PCDHGA5: variants seen among roughly 807,000 people sequenced by gnomAD.
PCDHGA5 encodes the protein protocadherin gamma-A5.
A neutral mutation model predicts 56.7 loss-of-function variants in PCDHGA5; 36 were observed. The observed-to-expected ratio is 0.64, with a 90% CI of 0.49 to 0.84. The LOEUF (loss-of-function observed/expected upper bound fraction) is 0.84, where lower values mean the gene tolerates loss of function less well. PCDHGA5 is among the 40% of genes least tolerant of loss of function. The pLI, the probability that PCDHGA5 is intolerant of heterozygous loss-of-function variation, is 0.00. For missense variants in PCDHGA5, 1,305 were observed against 1,201.5 expected (o/e 1.09, Z -1.27); for synonymous variants, 563 against 520.2 (o/e 1.08, Z -1.12).
chr5:141,469,404 G>A (rs1439441297), intron 1 of PCDHGA5, among the ~76,000 whole-genome samples: 7 of 151,874 alleles, frequency 4.6e-5, no homozygotes, highest in African/African-American at 1.5e-4. Flanking sequence ...GTGAAACCCC[G>A]TTTCTACTAA....
chr5:141,395,057 T>A (rs2093157144), intron 1 of PCDHGA5: 1 of 1,614,042 alleles, frequency 6.2e-7, no homozygotes, highest in Non-Finnish European at 8.5e-7. Context: ...AGGTACAGGC[T>A]TTCCTGCAGA....
At position 141,491,891 on chromosome 5, in the gene PCDHGA5, G is replaced by T. The variant is rs1487484740; in HGVS notation, c.2422-2916G>T. On this transcript the variant is annotated intron_variant, in intron 1 of 3. Coordinates refer to ENST00000518069, the MANE Select transcript of PCDHGA5 (RefSeq NM_018918.3). This position sits in a 1 kb window ranked among gnomAD's most constrained non-coding sequence, Gnocchi z 6.9. ...GTGGCCGATTAAGGGATGGGGCTCC[G>T]AGCACCGGGGGTGGTGGCGACTGTG... 19 of 1,439,438 alleles carry T rather than the reference G, an allele frequency of 1.3e-5. No homozygotes were observed. The East Asian group carries it at 4.8e-4, about 36-fold the overall frequency. 89.2% of individuals were successfully genotyped at this position (1,439,438 alleles called of 1,614,324 possible). A position where few individuals can be genotyped will look rare whatever the true frequency, so the allele number is the denominator to read the frequency against.
intron 1 of PCDHGA5, chr5:141,390,321 C>G: frequency 6.2e-7 from 1 of 1,607,082 alleles, no homozygotes; most frequent in Non-Finnish European, 8.5e-7. Flanking sequence ...TCATTGCCTA[C>G]CCATTTCTCC....
intron 1 of PCDHGA5, chr5:141,376,605 G>A (rs1772889995): frequency 1.2e-5 from 18 of 1,502,688 alleles, no homozygotes; most frequent in Middle Eastern, 3.5e-4. Flanking sequence ...TTATAGAAGC[G>A]AACCTCTTTT....
At chr5:141,369,497 C>A (rs1027825158) in intron 1 of PCDHGA5, among the ~76,000 whole-genome samples, 3 of 151,926 alleles carry the variant, frequency 2.0e-5, no homozygotes, top group Non-Finnish European at 4.4e-5. Context: ...TGAAACCCCA[C>A]CTCTATAGAA....
At chr5:141,375,897 C>T in intron 1 of PCDHGA5, 1 of 1,613,798 alleles carries the variant, frequency 6.2e-7, no homozygotes, top group South Asian at 1.1e-5. Flanking sequence ...GCCTGGCTGT[C>T]CTACCGCCTG....
At position 141,512,161 on chromosome 5, in the gene PCDHGA5, G is replaced by A. The variant is rs1176664723; in HGVS notation, c.*988G>A. On this transcript the variant is annotated 3_prime_UTR_variant, in exon 4 of 4. Transcript: ENST00000518069. ...AGCCAGCTTTGGGCTGAGCTAACAGGACCAATGGATTAAACTGGCATTTCA... is the reference window on the plus strand; with the variant it reads ...AGCCAGCTTTGGGCTGAGCTAACAGAACCAATGGATTAAACTGGCATTTCA... The A allele has an allele frequency of 6.5e-6, 1 of 152,704 alleles. No homozygotes were observed. Among genetic ancestry groups the A allele is most frequent in the African/African-American group, 2.4e-5 (1 of 41,440 alleles). 9.5% of individuals were successfully genotyped at this position (152,704 alleles called of 1,614,324 possible). A position where few individuals can be genotyped will look rare whatever the true frequency, so the allele number is the denominator to read the frequency against.
intron 1 of PCDHGA5, among the ~76,000 whole-genome samples, chr5:141,470,417 T>A (rs1482173610): frequency 6.6e-6 from 1 of 152,226 alleles, no homozygotes; most frequent in East Asian, 1.9e-4. Context: ...ATTTTATGTA[T>A]TTTTTCCTTG....
At chr5:141,458,064 C>G (rs886724551) in intron 1 of PCDHGA5, among the ~76,000 whole-genome samples, 1 of 152,104 alleles carries the variant, frequency 6.6e-6, no homozygotes, top group Admixed American at 6.6e-5. Flanking sequence ...TGCACTGATG[C>G]GAACAACTAT....
intron 1 of PCDHGA5, chr5:141,400,189 CT>C (rs770137840): frequency 5.6e-6 from 9 of 1,614,056 alleles, no homozygotes; most frequent in Non-Finnish European, 7.6e-6. Context: ...GCAGTTTTAC[CT>C]AGTGGTGGCC....
chr5:141,414,515 C>T, intron 1 of PCDHGA5: 1 of 1,613,958 alleles, frequency 6.2e-7, no homozygotes, highest in Non-Finnish European at 8.5e-7. Flanking sequence ...CTACAAGTGG[C>T]AGATATCAAT....
intron 1 of PCDHGA5, chr5:141,383,184 C>A: frequency 6.2e-7 from 1 of 1,614,082 alleles, no homozygotes; most frequent in East Asian, 2.2e-5. Context: ...GGGAAGAGAT[C>A]TGCGCTCAGA....
chr5:141,426,858 T>G (rs898486771), intron 1 of PCDHGA5: 13 of 456,574 alleles, frequency 2.8e-5, no homozygotes, highest in African/African-American at 8.0e-5. Context: ...CGCTCCAGAA[T>G]TAGTGCTGGA....
chr5:141,384,850 C>A, intron 1 of PCDHGA5: 1 of 1,613,646 alleles, frequency 6.2e-7, no homozygotes, highest in African/African-American at 1.3e-5. Context: ...GGACCACGGT[C>A]AGCCTCCTCT....
At chr5:141,497,101 G>A (rs1465038195) in intron 2 of PCDHGA5, among the ~76,000 whole-genome samples, 1 of 152,042 alleles carries the variant, frequency 6.6e-6, no homozygotes, top group African/African-American at 2.4e-5. Flanking sequence ...AGGCAGAACT[G>A]CTTGAACCCG....
At chr5:141,409,988 GC>G in intron 1 of PCDHGA5, 1 of 1,613,278 alleles carries the variant, frequency 6.2e-7, no homozygotes, top group Non-Finnish European at 8.5e-7. Flanking sequence ...AGCGGTGGAC[GC>G]CGACTCGGGA....
intron 1 of PCDHGA5, among the ~76,000 whole-genome samples, chr5:141,454,796 A>ATTTTTTTTTTT (rs61612330): frequency 0.014 from 1,093 of 77,476 alleles, 165 homozygotes; most frequent in African/African-American, 0.018. Flanking sequence ...CATGGTTCTA[A>ATTTTTTTTTTT]TTTTTTTTTT....
chr5:141,403,788 A>G, intron 1 of PCDHGA5: 3 of 1,613,956 alleles, frequency 1.9e-6, no homozygotes, highest in South Asian at 1.1e-5. Context: ...AAAGTGGCAT[A>G]CAAATTCTGG....
intron 1 of PCDHGA5, among the ~76,000 whole-genome samples, chr5:141,467,320 T>C (rs1593065881): frequency 6.6e-6 from 1 of 152,322 alleles, no homozygotes; most frequent in African/African-American, 2.4e-5. Flanking sequence ...CCCACAGTGC[T>C]GGGATTAGAG....
Sources: gnomAD v4.1 joint callset for allele counts (sites outside exome capture counted in the v4.1 genomes callset) on GRCh38, gnomAD v4.1.1 for gene constraint, Gnocchi (gnomAD v3.1) non-coding constraint, MANE v1.5 for transcripts, NCBI Gene and HGNC (gene_info 2026-07-23, HGNC 2026-07-21) for gene names.